The following RBM20 variants were observed in gnomAD, a reference collection of about 807,000 sequenced individuals.
RBM20 encodes the protein RNA binding motif protein 20.
In RBM20, 51 loss-of-function variants were observed where a neutral mutation model predicts 110.1. That is an observed-to-expected ratio of 0.46 (90% CI 0.37 to 0.59). The LOEUF (loss-of-function observed/expected upper bound fraction) is 0.59. Ranked by LOEUF, RBM20 falls within the 20% of genes least tolerant of loss-of-function variation. The probability of loss-of-function intolerance (pLI) is 0.00; values close to 1 mark genes in which losing one functional copy is unlikely to be tolerated. For synonymous variants in RBM20, 589 were observed against 618.2 expected (o/e 0.95, Z 0.70); for missense variants, 1,512 against 1,574.9 (o/e 0.96, Z 0.68).
intron 1 of RBM20, among the ~76,000 whole-genome samples, chr10:110,666,521 C>T (rs566189760): frequency 1.3e-5 from 2 of 152,170 alleles, no homozygotes; most frequent in South Asian, 4.1e-4. Context: ...TGGTACATGC[C>T]TGTAGCCCCA....
chr10:110,677,777 T>C (rs1455877307), intron 1 of RBM20, among the ~76,000 whole-genome samples: 1 of 152,258 alleles, frequency 6.6e-6, no homozygotes, highest in African/African-American at 2.4e-5. Context: ...TCGATGGGCA[T>C]GTATCTCATG....
Position 110,647,309 on chromosome 10 carries a change from T to C in RBM20, c.191+2664T>C, listed in dbSNP as rs149120965. Reference sequence around the variant, plus strand: ...TTTATGGACCCAGTCTTAGTACTTATGAAGATTGCATCTAGAGTTAATTTC... The same window carrying C: ...TTTATGGACCCAGTCTTAGTACTTACGAAGATTGCATCTAGAGTTAATTTC... On this transcript the variant is annotated intron_variant, in intron 1 of 13. Transcript: ENST00000369519. 2.0e-3 allele frequency among the ~76,000 whole-genome samples: 311 copies of C among 152,366 alleles called. 2 individuals carry two copies. The highest frequency in any genetic ancestry group is 7.3e-3 in the African/African-American group (303 of 41,584).
At chr10:110,706,471 C>T (rs1345469430) in intron 1 of RBM20, among the ~76,000 whole-genome samples, 1 of 152,252 alleles carries the variant, frequency 6.6e-6, no homozygotes, top group Non-Finnish European at 1.5e-5. Flanking sequence ...CCTTTTCATT[C>T]TCTTTCTGAT....
intron 3 of RBM20, among the ~76,000 whole-genome samples, chr10:110,783,786 A>G (rs1844384713): frequency 6.6e-6 from 1 of 152,200 alleles, no homozygotes; most frequent in Admixed American, 6.5e-5. Flanking sequence ...GAAGTATACA[A>G]TTCAGTGGCA....
Position 110,727,419 on chromosome 10 carries a change from A to T in RBM20, c.192-53382A>T, listed in dbSNP as rs4918579. On this transcript the variant is annotated intron_variant, in intron 1 of 13. Transcript: ENST00000369519. ...CGTCTCAAAAAATAAAAATAAAAAA[A>T]AAATAAATAAAAAGTCCATCCTGTT... Among the ~76,000 whole-genome samples, 186 of 146,798 alleles carry T rather than the reference A, an allele frequency of 1.3e-3. 2 individuals are homozygous for T. Among genetic ancestry groups the T allele is most frequent in the African/African-American group, 3.7e-3 (145 of 39,390 alleles).
rs544635435 is a variant in RBM20 at position 110,799,672 on chromosome 10, G to A, written c.1669-115G>A. On this transcript the variant is annotated intron_variant, in intron 6 of 13. Coordinates refer to ENST00000369519, the MANE Select transcript of RBM20 (RefSeq NM_001134363.3). Reference sequence around the variant, plus strand: ...AAGCTCAATGCTAACTCCTGTCACCGTTGATTAGTTTTGCCTGTTCTTGAA... The same window carrying A: ...AAGCTCAATGCTAACTCCTGTCACCATTGATTAGTTTTGCCTGTTCTTGAA... 1.1e-4 allele frequency: 113 copies of A among 993,302 alleles called. 1 individual carries two copies. In the South Asian group the frequency reaches 1.5e-3, roughly 13 times the overall value. The allele number at this position is 993,302 out of a possible 1,614,324, so 61.5% of individuals were successfully genotyped here.
At chr10:110,779,602 T>A (rs146522226) in intron 1 of RBM20, among the ~76,000 whole-genome samples, 52 of 152,332 alleles carry the variant, frequency 3.4e-4, no homozygotes, top group African/African-American at 1.2e-3. Context: ...GTGATTGACA[T>A]CCAAAGTGGG....
At chr10:110,713,664 C>T (rs7350421) in intron 1 of RBM20, among the ~76,000 whole-genome samples, 92,160 of 152,102 alleles carry the variant, frequency 0.61, 29,285 homozygotes, top group East Asian at 1. Flanking sequence ...AGCATTTGTA[C>T]AGTGTTTTGA....
intron 9 of RBM20, among the ~76,000 whole-genome samples, chr10:110,815,478 A>G (rs978317140): frequency 4.6e-5 from 7 of 152,340 alleles, no homozygotes; most frequent in African/African-American, 1.7e-4. Context: ...CTGGTGAACC[A>G]GTGGATATTT....
intron 7 of RBM20, among the ~76,000 whole-genome samples, chr10:110,808,945 T>C (rs1331315842): frequency 2.0e-5 from 3 of 152,150 alleles, no homozygotes; most frequent in Non-Finnish European, 4.4e-5. Context: ...CTGGGCGTGG[T>C]GGTTCATGCC....
At chr10:110,731,269 A>G (rs1843618458) in intron 1 of RBM20, among the ~76,000 whole-genome samples, 1 of 152,290 alleles carries the variant, frequency 6.6e-6, no homozygotes, top group African/African-American at 2.4e-5. Context: ...TTCAAACAAA[A>G]AACAAGGAAG....
intron 1 of RBM20, among the ~76,000 whole-genome samples, chr10:110,765,702 G>T (rs767074503): frequency 3.4e-4 from 52 of 152,106 alleles, no homozygotes; most frequent in Admixed American, 1.5e-3. Flanking sequence ...TTTTCTGCTT[G>T]CAAGTGTGTA....
Position 110,739,648 on chromosome 10 carries a change from C to T in RBM20, c.192-41153C>T, listed in dbSNP as rs1173866186. Among the ~76,000 whole-genome samples the T allele has an allele frequency of 6.6e-6, 1 of 152,134 alleles. No homozygotes were observed. Among genetic ancestry groups the T allele is most frequent in the African/African-American group, 2.4e-5 (1 of 41,410 alleles). ...GAAGGCAGAGTGGCAGGGGAAAGAGCACCAGCATCAATGTGAACATTCTAG... is the reference window on the plus strand; with the variant it reads ...GAAGGCAGAGTGGCAGGGGAAAGAGTACCAGCATCAATGTGAACATTCTAG... On this transcript the variant is annotated intron_variant, in intron 1 of 13. Coordinates refer to ENST00000369519, the MANE Select transcript of RBM20 (RefSeq NM_001134363.3). The surrounding 1 kb of genome is among the most constrained non-coding windows in gnomAD (Gnocchi z 4.1).
chr10:110,786,034 C>T (rs1335737308), intron 5 of RBM20, among the ~76,000 whole-genome samples: 1 of 152,170 alleles, frequency 6.6e-6, no homozygotes, highest in African/African-American at 2.4e-5. Flanking sequence ...TTTTCGTCCT[C>T]CAAAGCTCCT....
chr10:110,716,253 G>A (rs1371698611), intron 1 of RBM20, among the ~76,000 whole-genome samples: 1 of 152,166 alleles, frequency 6.6e-6, no homozygotes, highest in Non-Finnish European at 1.5e-5. Flanking sequence ...GGCCCCAGAT[G>A]TCTCCCTCCA....
At chr10:110,659,859 T>C (rs972567443) in intron 1 of RBM20, among the ~76,000 whole-genome samples, 1 of 151,514 alleles carries the variant, frequency 6.6e-6, no homozygotes, top group Non-Finnish European at 1.5e-5. Context: ...TCCTCTTCTT[T>C]TTTTTTTAAT....
chr10:110,655,678 C>G (rs1055370054), intron 1 of RBM20, among the ~76,000 whole-genome samples: 2 of 152,214 alleles, frequency 1.3e-5, no homozygotes, highest in African/African-American at 4.8e-5. Flanking sequence ...TTTGAACCAT[C>G]TTTGCAGACA....
At chr10:110,700,426 G>T (rs1387130020) in intron 1 of RBM20, among the ~76,000 whole-genome samples, 1 of 152,186 alleles carries the variant, frequency 6.6e-6, no homozygotes, top group Non-Finnish European at 1.5e-5. Context: ...TCTTTGCAGA[G>T]GAGCTGTACC....
At chr10:110,657,943 G>A (rs1862048095) in intron 1 of RBM20, among the ~76,000 whole-genome samples, 3 of 152,156 alleles carry the variant, frequency 2.0e-5, no homozygotes, top group African/African-American at 4.8e-5. Flanking sequence ...ATTGAATGGA[G>A]CATGTTAATG....
Sources: gnomAD v4.1 joint callset for allele counts (sites outside exome capture counted in the v4.1 genomes callset) on GRCh38, gnomAD v4.1.1 for gene constraint, Gnocchi (gnomAD v3.1) non-coding constraint, MANE v1.5 for transcripts, NCBI Gene and HGNC (gene_info 2026-07-23, HGNC 2026-07-21) for gene names.